The following SLC22A25 variants were observed in gnomAD, a reference collection of about 807,000 sequenced individuals.
SLC22A25 encodes solute carrier family 22 member 25.
Under a neutral mutation model 45.9 loss-of-function variants are expected in SLC22A25, and 44 were observed. The ratio of observed to expected loss-of-function variants is 0.96; its 90% confidence interval spans 0.75 to 1.23. The LOEUF is 1.23. Ranked by LOEUF, SLC22A25 falls within the 50% of genes most tolerant of loss-of-function variation. The probability of loss-of-function intolerance (pLI) is 0.00; values close to 1 mark genes in which losing one functional copy is unlikely to be tolerated. For synonymous variants in SLC22A25, 283 were observed against 238.6 expected (o/e 1.19, Z -1.72); for missense variants, 800 against 666.4 (o/e 1.20, Z -2.21).
chr11:63,166,913 G>T, intron 9 of SLC22A25: 2 of 953,506 alleles, frequency 2.1e-6, no homozygotes, highest in South Asian at 9.7e-5. Context: ...AAGAGCTCTG[G>T]TCTGCAGCTC....
At chr11:63,218,119 G>C (rs779397382) in intron 5 of SLC22A25, 94 of 464,322 alleles carry the variant, frequency 2.0e-4, no homozygotes, top group Non-Finnish European at 3.5e-4. Flanking sequence ...CAAAGGCATG[G>C]AATAACCTCA....
rs1008705552 is a variant in SLC22A25 at position 63,159,195 on chromosome 11, T to C, written c.*4629A>G. Among the ~76,000 whole-genome samples, 2 of 152,234 alleles carry C rather than the reference T, an allele frequency of 1.3e-5. No homozygotes were observed. The highest frequency in any genetic ancestry group is 4.8e-5 in the African/African-American group (2 of 41,458). On this transcript the variant is annotated 3_prime_UTR_variant, in exon 12 of 12. Coordinates refer to ENST00000306494, the MANE Select transcript of SLC22A25 (RefSeq NM_199352.6). ...TAGGTTGCTTCCAAACCTTGGCCAT[T>C]GTGAACAGTTCTGCAACAAATGTGG...
intron 8 of SLC22A25, 139 bp downstream of exon 8, chr11:63,183,555 C>A: frequency 1.9e-6 from 2 of 1,043,898 alleles, no homozygotes; most frequent in Non-Finnish European, 2.8e-6. Context: ...TGTTGACACC[C>A]ATTGAGAATG....
chr11:63,162,943 C>A lies in SLC22A25; in HGVS notation c.*881G>T, dbSNP rs1233369203. Among the ~76,000 whole-genome samples the A allele has an allele frequency of 6.6e-6, 1 of 152,100 alleles. No individual in the cohort carries two copies. The highest frequency in any genetic ancestry group is 1.5e-5 in the Non-Finnish European group (1 of 68,028). On this transcript the variant is annotated 3_prime_UTR_variant, in exon 12 of 12. Transcript: ENST00000306494. ...ACTTTGCTGCAGGTATCTTCCTGCC[C>A]TGCTTTTCTGGAGCATCTTCTCCTG...
chr11:63,226,276 C>T (rs138633437), intron 5 of SLC22A25, among the ~76,000 whole-genome samples: 17 of 152,164 alleles, frequency 1.1e-4, no homozygotes, highest in African/African-American at 3.1e-4. Context: ...TGCTCATACT[C>T]GTCCTTCTTG....
chr11:63,234,361 T>C (rs1159825431), intron 3 of SLC22A25, among the ~76,000 whole-genome samples: 1 of 152,250 alleles, frequency 6.6e-6, no homozygotes, highest in Non-Finnish European at 1.5e-5. Context: ...TTAGCTCTTC[T>C]TGTTGAATTG....
chr11:63,190,579 T>C (rs534291605), intron 7 of SLC22A25, among the ~76,000 whole-genome samples: 360 of 152,342 alleles, frequency 2.4e-3, no homozygotes, highest in Non-Finnish European at 4.4e-3. Flanking sequence ...CTTTGTTCCA[T>C]TGCTGGTGAG....
intron 3 of SLC22A25, among the ~76,000 whole-genome samples, chr11:63,231,227 CTG>C (rs1199227507): frequency 6.6e-6 from 1 of 152,226 alleles, no homozygotes; most frequent in Non-Finnish European, 1.5e-5. Context: ...AGTCACCACA[CTG>C]TGTTCCACAA....
At chr11:63,188,337 G>A (rs574767825) in intron 7 of SLC22A25, among the ~76,000 whole-genome samples, 98 of 152,276 alleles carry the variant, frequency 6.4e-4, no homozygotes, top group Non-Finnish European at 8.2e-4. Context: ...TTGCATAGAG[G>A]TTTTTATAAT....
chr11:63,177,951 G>A (rs1435943313), intron 9 of SLC22A25, among the ~76,000 whole-genome samples: 3 of 135,886 alleles, frequency 2.2e-5, no homozygotes, highest in Non-Finnish European at 3.2e-5. Context: ...TGTCTTAAAA[G>A]TGACACTCCA....
intron 7 of SLC22A25, among the ~76,000 whole-genome samples, chr11:63,188,502 G>A (rs1306199162): frequency 2.6e-5 from 4 of 152,098 alleles, no homozygotes; most frequent in African/African-American, 9.7e-5. Flanking sequence ...ACCAGCTCCT[G>A]GATTCATTGA....
intron 7 of SLC22A25, among the ~76,000 whole-genome samples, chr11:63,197,830 C>T (rs2089102159): frequency 6.7e-6 from 1 of 150,102 alleles, no homozygotes; most frequent in Non-Finnish European, 1.5e-5. Flanking sequence ...ACTCATCTCA[C>T]AAAGGGCTAA....
At chr11:63,199,044 A>T (rs2089153468) in intron 7 of SLC22A25, among the ~76,000 whole-genome samples, 1 of 152,124 alleles carries the variant, frequency 6.6e-6, no homozygotes, top group South Asian at 2.1e-4. Flanking sequence ...GACAAGAAAT[A>T]ATCAAAATTA....
At chr11:63,167,273 T>TC (rs1387152874) in intron 9 of SLC22A25, 1 of 152,684 alleles carries the variant, frequency 6.5e-6, no homozygotes, top group Non-Finnish European at 1.5e-5. Flanking sequence ...TGCAGGAGTT[T>TC]TTTTTTTTTC....
chr11:63,188,316 T>C (rs1230709171), intron 7 of SLC22A25, among the ~76,000 whole-genome samples: 1 of 152,256 alleles, frequency 6.6e-6, no homozygotes, highest in Non-Finnish European at 1.5e-5. Context: ...CTTCTAGTTT[T>C]TCTAGTTTAT....
intron 7 of SLC22A25, among the ~76,000 whole-genome samples, chr11:63,196,217 A>C (rs2089023140): frequency 6.6e-6 from 1 of 152,200 alleles, no homozygotes; most frequent in South Asian, 2.1e-4. Context: ...TATTCCAATC[A>C]ATAGACAAAG....
At chr11:63,219,883 T>A in intron 5 of SLC22A25, 1 of 1,273,632 alleles carries the variant, frequency 7.9e-7, no homozygotes. Flanking sequence ...TCTCAACTCT[T>A]TTAAGTGTTA....
At chr11:63,242,090 C>G (rs2090258184) in intron 1 of SLC22A25, among the ~76,000 whole-genome samples, 1 of 151,930 alleles carries the variant, frequency 6.6e-6, no homozygotes, top group Non-Finnish European at 1.5e-5. Flanking sequence ...CACAAGAGAC[C>G]AAGAAAAAGT....
intron 7 of SLC22A25, among the ~76,000 whole-genome samples, chr11:63,205,183 G>A (rs999933024): frequency 6.6e-6 from 1 of 152,182 alleles, no homozygotes; most frequent in Non-Finnish European, 1.5e-5. Context: ...GAAATTTATA[G>A]CACTAAATGC....
Sources: gnomAD v4.1 joint callset for allele counts (sites outside exome capture counted in the v4.1 genomes callset) on GRCh38, gnomAD v4.1.1 for gene constraint, MANE v1.5 for transcripts, NCBI Gene and HGNC (gene_info 2026-07-23, HGNC 2026-07-21) for gene names.